EPB41L4B: variants seen among roughly 807,000 people sequenced by gnomAD.
EPB41L4B encodes the protein band 4.1-like protein 4B.
Under a neutral mutation model 112.5 loss-of-function variants are expected in EPB41L4B, and 30 were observed. The ratio of observed to expected loss-of-function variants is 0.27; its 90% CI spans 0.20 to 0.36. EPB41L4B has a LOEUF of 0.36. Ranked by LOEUF, EPB41L4B falls within the 10% of genes least tolerant of loss-of-function variation. The pLI is 1.00. For missense variants in EPB41L4B, 1,024 were observed against 1,133.3 expected (o/e 0.90, Z 1.38); for synonymous variants, 408 against 439.7 (o/e 0.93, Z 0.90).
intron 1 of EPB41L4B, among the ~76,000 whole-genome samples, chr9:109,309,571 A>G (rs868587936): frequency 6.6e-6 from 1 of 152,184 alleles, no homozygotes; most frequent in Non-Finnish European, 1.5e-5. Flanking sequence ...AAAACATTCC[A>G]GGAAGAACTA....
intron 19 of EPB41L4B, among the ~76,000 whole-genome samples, chr9:109,202,538 T>C (rs1429610151): frequency 6.6e-6 from 1 of 152,146 alleles, no homozygotes. Context: ...CTTGGACCCA[T>C]TTTGGGAAAC....
chr9:109,255,741 C>T, intron 10 of EPB41L4B, 33 bp downstream of exon 10: 5 of 1,612,136 alleles, frequency 3.1e-6, no homozygotes, highest in Non-Finnish European at 4.2e-6. Context: ...AGGATTTTCA[C>T]AGCAAGGGGG....
chr9:109,265,717 G>GT (rs965255057), intron 4 of EPB41L4B, among the ~76,000 whole-genome samples: 1 of 152,162 alleles, frequency 6.6e-6, no homozygotes, highest in African/African-American at 2.4e-5. Context: ...TCTTTTGTTT[G>GT]TTTTTTACCA....
chr9:109,263,112 A>C lies in EPB41L4B; in HGVS notation c.579-10T>G. On this transcript the variant is annotated splice_polypyrimidine_tract_variant and intron_variant, in intron 5 of 25. Transcript: ENST00000374566. Reference sequence around the variant, plus strand: ...ATAAGGGCATTTCAATCTTGAAAAAAATAAAATGAAATTAATTCGAAATAG... The same window carrying C: ...ATAAGGGCATTTCAATCTTGAAAAACATAAAATGAAATTAATTCGAAATAG... The C allele has an allele frequency of 6.4e-7, 1 of 1,561,908 alleles. No individual in the cohort carries two copies. The highest frequency in any genetic ancestry group is 8.8e-7 in the Non-Finnish European group (1 of 1,141,982).
At chr9:109,303,663 T>C (rs928497618) in intron 1 of EPB41L4B, among the ~76,000 whole-genome samples, 1 of 151,712 alleles carries the variant, frequency 6.6e-6, no homozygotes, top group Non-Finnish European at 1.5e-5. Flanking sequence ...GGGTTTTTTT[T>C]CTTTTCTTTT....
chr9:109,172,127 G>A lies in EPB41L4B; in HGVS notation c.*2427C>T, dbSNP rs774833049. The A allele has an allele frequency of 6.6e-6, 1 of 152,190 alleles. No individual in the cohort carries two copies. Among genetic ancestry groups the A allele is most frequent in the Non-Finnish European group, 1.5e-5 (1 of 68,102 alleles). The allele number at this position is 152,190 out of a possible 1,614,324, so 9.4% of individuals were successfully genotyped here. ...CATCTGTGAACTCTGGGGGAAGCGG[G>A]GAAGAAGCAGGAAGCCCAGAGCCTC... On this transcript the variant is annotated 3_prime_UTR_variant, in exon 26 of 26. Transcript: ENST00000374566.
intron 2 of EPB41L4B, among the ~76,000 whole-genome samples, chr9:109,271,378 G>A (rs953652093): frequency 2.0e-5 from 3 of 152,188 alleles, no homozygotes; most frequent in Admixed American, 2.0e-4. Flanking sequence ...TTGACCCCTT[G>A]GTGTTCAGAT....
At chr9:109,241,756 T>A in intron 15 of EPB41L4B, 3 of 1,614,206 alleles carry the variant, frequency 1.9e-6, no homozygotes, top group Non-Finnish European at 1.7e-6. Flanking sequence ...AAAATGGCTG[T>A]CATCTCCACT....
chr9:109,242,784 C>T (rs1429773379), intron 15 of EPB41L4B, among the ~76,000 whole-genome samples: 1 of 150,440 alleles, frequency 6.6e-6, no homozygotes, highest in Non-Finnish European at 1.5e-5. Context: ...CACATAAACA[C>T]CAATTAAGAC....
At chr9:109,210,906 A>T (rs1833143924) in intron 17 of EPB41L4B, among the ~76,000 whole-genome samples, 1 of 152,266 alleles carries the variant, frequency 6.6e-6, no homozygotes, top group Non-Finnish European at 1.5e-5. Flanking sequence ...AAACATAGAC[A>T]TGAATGACAA....
chr9:109,191,670 A>G (rs557329820), intron 22 of EPB41L4B, among the ~76,000 whole-genome samples: 2 of 152,234 alleles, frequency 1.3e-5, no homozygotes, highest in African/African-American at 2.4e-5. Context: ...CTGCAACACA[A>G]TGATCTCTAA....
At chr9:109,215,653 CTCAGTACTTT>C (rs1239293614) in intron 16 of EPB41L4B, among the ~76,000 whole-genome samples, 1 of 152,154 alleles carries the variant, frequency 6.6e-6, no homozygotes, top group Non-Finnish European at 1.5e-5. Context: ...GCGTCCAGCC[CTCAGTACTTT>C]TCAAACCACA....
intron 1 of EPB41L4B, among the ~76,000 whole-genome samples, chr9:109,304,245 C>T (rs1391330723): frequency 1.3e-5 from 2 of 152,200 alleles, no homozygotes; most frequent in African/African-American, 4.8e-5. Flanking sequence ...GGTACCTCTG[C>T]CTTTCTGAGT....
chr9:109,313,972 T>A (rs1302922418), intron 1 of EPB41L4B, among the ~76,000 whole-genome samples: 1 of 152,244 alleles, frequency 6.6e-6, no homozygotes, highest in South Asian at 2.1e-4. Flanking sequence ...CCAACCTTTG[T>A]GTATTTTCAA....
intron 1 of EPB41L4B, among the ~76,000 whole-genome samples, chr9:109,284,808 A>G (rs546958516): frequency 2.1e-4 from 32 of 152,164 alleles, no homozygotes; most frequent in South Asian, 8.3e-4. Context: ...GACCTTAACA[A>G]CCCACCCTTT....
At chr9:109,208,540 G>A (rs1369649882) in intron 17 of EPB41L4B, among the ~76,000 whole-genome samples, 1 of 152,176 alleles carries the variant, frequency 6.6e-6, no homozygotes, top group Non-Finnish European at 1.5e-5. Flanking sequence ...TTATTGTAGA[G>A]TGTCTTGTAC....
intron 15 of EPB41L4B, among the ~76,000 whole-genome samples, chr9:109,222,024 C>T (rs938184440): frequency 3.9e-5 from 6 of 152,140 alleles, no homozygotes; most frequent in African/African-American, 1.2e-4. Context: ...ACAGTGGTAT[C>T]ATGCATTTGT....
chr9:109,263,729 T>C (rs1835299801), intron 5 of EPB41L4B, among the ~76,000 whole-genome samples: 1 of 152,238 alleles, frequency 6.6e-6, no homozygotes, highest in South Asian at 2.1e-4. Flanking sequence ...TATTATCCAA[T>C]TTGGTCAATG....
rs1476025496 is a variant in EPB41L4B at position 109,173,265 on chromosome 9, T to G, written c.*1289A>C. ...GGTGGGGAGGCTAAACTAGATGACC[T>G]TTAAGGTCCTTCCAACCCAAAGATT... is the stretch of plus-strand genomic sequence containing the variant. On this transcript the variant is annotated 3_prime_UTR_variant, in exon 26 of 26. Transcript: ENST00000374566. 1 of 152,646 alleles carries G rather than the reference T, an allele frequency of 6.6e-6. No homozygotes were observed. The highest frequency in any genetic ancestry group is 1.9e-4 in the East Asian group (1 of 5,202). The allele number at this position is 152,646 out of a possible 1,614,324, so 9.5% of individuals were successfully genotyped here.
Sources: gnomAD v4.1 joint callset for allele counts (sites outside exome capture counted in the v4.1 genomes callset) on GRCh38, gnomAD v4.1.1 for gene constraint, MANE v1.5 for transcripts, NCBI Gene and HGNC (gene_info 2026-07-23, HGNC 2026-07-21) for gene names.